The following COL13A1 variants were observed in gnomAD, a reference collection of about 807,000 sequenced individuals.
COL13A1 encodes the protein collagen alpha-1(XIII) chain.
Under a neutral mutation model 130.9 loss-of-function variants are expected in COL13A1, and 89 were observed. The ratio of observed to expected loss-of-function variants is 0.68; its 90% confidence interval spans 0.57 to 0.81. COL13A1 has a LOEUF of 0.81. Among genes scored for constraint, COL13A1 ranks in the 30% least tolerant of loss-of-function variants. The probability of loss-of-function intolerance (pLI) is 0.00; values close to 1 mark genes in which losing one functional copy is unlikely to be tolerated. For synonymous variants in COL13A1, 402 were observed against 341.6 expected, an observed-to-expected ratio of 1.18 and a Z score of -1.95; for missense variants, 879 against 934.6, an observed-to-expected ratio of 0.94 and a Z score of 0.78.
intron 2 of COL13A1, among the ~76,000 whole-genome samples, chr10:69,849,226 C>T (rs1047382950): frequency 6.6e-6 from 1 of 152,194 alleles, no homozygotes; most frequent in African/African-American, 2.4e-5. Context: ...ATTATTCTGT[C>T]CCATCAGAGA....
At chr10:69,918,260 A>T in intron 18 of COL13A1, 25 bp from the exon 19 acceptor site, 1 of 1,607,146 alleles carries the variant, frequency 6.2e-7, no homozygotes, top group South Asian at 1.1e-5. Context: ...ATGTCTTCAG[A>T]CCTTTTTTTT....
intron 29 of COL13A1, 123 bp downstream of exon 29, chr10:69,930,210 TGGG>T: frequency 1.0e-6 from 1 of 991,970 alleles, no homozygotes; most frequent in Non-Finnish European, 1.5e-6. Flanking sequence ...GAAGGGGAGA[TGGG>T]GGGGGGCAGG....
At chr10:69,920,621 T>G (rs976089703) in intron 21 of COL13A1, among the ~76,000 whole-genome samples, 6 of 152,158 alleles carry the variant, frequency 3.9e-5, no homozygotes, top group Admixed American at 6.5e-5. Context: ...CTCTGCCTTG[T>G]GAGAACACGG....
At chr10:69,867,508 A>G (rs927035068) in intron 2 of COL13A1, among the ~76,000 whole-genome samples, 3 of 152,198 alleles carry the variant, frequency 2.0e-5, no homozygotes, top group African/African-American at 7.2e-5. Context: ...GGTCCCGTAG[A>G]GCCCGTTTTG....
At chr10:69,843,223 G>A (rs1422569954) in intron 2 of COL13A1, among the ~76,000 whole-genome samples, 3 of 126,902 alleles carry the variant, frequency 2.4e-5, no homozygotes, top group South Asian at 5.4e-4. Context: ...CATGATAGCT[G>A]GTGTGATGAT....
At chr10:69,908,197 A>G (rs2062992084) in intron 17 of COL13A1, among the ~76,000 whole-genome samples, 2 of 152,220 alleles carry the variant, frequency 1.3e-5, no homozygotes, top group South Asian at 4.2e-4. Context: ...GGAAGGGAAG[A>G]AGCACTCCCT....
chr10:69,919,859 G>A (rs2064401083), intron 21 of COL13A1, 132 bp downstream of exon 21: 2 of 397,064 alleles, frequency 5.0e-6, no homozygotes, highest in African/African-American at 4.1e-5. Context: ...GATGAGGGGA[G>A]TGGCAGGACG....
At chr10:69,860,357 G>T (rs1286249406) in intron 2 of COL13A1, among the ~76,000 whole-genome samples, 1 of 152,196 alleles carries the variant, frequency 6.6e-6, no homozygotes, top group African/African-American at 2.4e-5. Flanking sequence ...TGTTGAAAGC[G>T]GGCATGAGGG....
chr10:69,810,371 AG>A, intron 1 of COL13A1, among the ~76,000 whole-genome samples: 1 of 106,090 alleles, frequency 9.4e-6, no homozygotes. Context: ...AGAGAGAGAG[AG>A]AGAGAGAGAC....
chr10:69,918,067 C>T (rs917639137), intron 18 of COL13A1, among the ~76,000 whole-genome samples: 1 of 152,052 alleles, frequency 6.6e-6, no homozygotes, highest in Non-Finnish European at 1.5e-5. Flanking sequence ...CAGGGAGCCC[C>T]GCAGACTGAG....
intron 2 of COL13A1, among the ~76,000 whole-genome samples, chr10:69,825,222 T>C (rs911231728): frequency 6.6e-6 from 1 of 152,248 alleles, no homozygotes; most frequent in Admixed American, 6.5e-5. Context: ...CACTCTGGAA[T>C]GTCTGAACAT....
intron 21 of COL13A1, among the ~76,000 whole-genome samples, chr10:69,920,489 A>T (rs2064506351): frequency 6.6e-6 from 1 of 152,204 alleles, no homozygotes. Flanking sequence ...GTATTTAGAT[A>T]GGGCCTTGGG....
At chr10:69,866,924 C>G (rs1292635416) in intron 2 of COL13A1, among the ~76,000 whole-genome samples, 3 of 152,148 alleles carry the variant, frequency 2.0e-5, no homozygotes, top group African/African-American at 7.2e-5. Flanking sequence ...GCAGACACAC[C>G]AGGCCCAGCT....
At chr10:69,858,376 T>C (rs1692812128) in intron 2 of COL13A1, among the ~76,000 whole-genome samples, 1 of 152,182 alleles carries the variant, frequency 6.6e-6, no homozygotes, top group African/African-American at 2.4e-5. Flanking sequence ...TTACCCCCAT[T>C]TTATAGAGGA....
chr10:69,823,304 G>T (rs1237014564), intron 2 of COL13A1, among the ~76,000 whole-genome samples: 2 of 152,228 alleles, frequency 1.3e-5, no homozygotes, highest in African/African-American at 4.8e-5. Context: ...AGCCATGAGA[G>T]TGACAGATGA....
chr10:69,909,065 T>C (rs1356259290), intron 17 of COL13A1, among the ~76,000 whole-genome samples: 4 of 152,096 alleles, frequency 2.6e-5, no homozygotes, highest in African/African-American at 9.7e-5. Context: ...CCCTTCCAGC[T>C]CAGGGAAGTC....
Position 69,875,122 on chromosome 10 carries a change from C to T in COL13A1, c.400-6C>T. The stretch of plus-strand genomic sequence containing the variant: ...ATCTGACTGTTTCTGCCTCCTTCAT[C>T]ATCAGGGGGACAAAGGTGCCATTGG... On this transcript the variant is annotated splice_polypyrimidine_tract_variant and splice_region_variant and intron_variant, in intron 4 of 40. Coordinates refer to ENST00000645393, the MANE Select transcript of COL13A1 (RefSeq NM_001368882.1). The T allele has an allele frequency of 6.2e-7, 1 of 1,614,004 alleles. No homozygotes were observed. The highest frequency in any genetic ancestry group is 8.5e-7 in the Non-Finnish European group (1 of 1,179,892).
Position 69,822,521 on chromosome 10 carries a change from C to A in COL13A1, c.364+83C>A, listed in dbSNP as rs535921519. ...CTTCCTGGTGGCCATGCTCTAGCCA[C>A]ACCTCACTCAGGCCGTCACTTTTCA... is the stretch of plus-strand genomic sequence containing the variant. On this transcript the variant is annotated intron_variant, in intron 2 of 40. Transcript: ENST00000645393. The A allele has an allele frequency of 2.1e-4, 213 of 1,015,336 alleles. 2 individuals are homozygous for A. In the Middle Eastern group the frequency reaches 0.012, roughly 55 times the overall value. The allele number at this position is 1,015,336 out of a possible 1,614,324, so 62.9% of individuals were successfully genotyped here. A position where few individuals can be genotyped will look rare whatever the true frequency, so the allele number is the denominator to read the frequency against.
chr10:69,864,674 G>A lies in COL13A1; in HGVS notation c.365-3124G>A, dbSNP rs567319370. ...ACAAAAAGTGGTTGAAAAAGGGCAC[G>A]ACCCAGAATGCTACCCCAGAATTCT... On this transcript the variant is annotated intron_variant, in intron 2 of 40. Coordinates refer to ENST00000645393, the MANE Select transcript of COL13A1 (RefSeq NM_001368882.1). Among the ~76,000 whole-genome samples, 17 of 152,332 alleles carry A rather than the reference G, an allele frequency of 1.1e-4. No homozygotes were observed. In the South Asian group the frequency reaches 3.5e-3, roughly 32 times the overall value.
Sources: allele counts gnomAD v4.1 joint callset (sites outside exome capture counted in the v4.1 genomes callset), GRCh38; gene constraint gnomAD v4.1.1; transcripts MANE v1.5; gene names NCBI Gene and HGNC (gene_info 2026-07-23, HGNC 2026-07-21).